PP2D1: variants seen among roughly 807,000 people sequenced by gnomAD.
The protein encoded by PP2D1 is protein phosphatase 2C-like domain-containing protein 1.
In PP2D1, 25 loss-of-function variants were observed where a neutral mutation model predicts 30.2. That is an observed-to-expected ratio of 0.83 (90% confidence interval 0.60 to 1.16). PP2D1 has a LOEUF of 1.16. Ranked by LOEUF, PP2D1 falls within the 50% of genes most tolerant of loss-of-function variation. The pLI is 0.00. For synonymous variants in PP2D1, 260 were observed against 258.9 expected, an observed-to-expected ratio of 1.00 and a Z score of -0.04; for missense variants, 760 against 742.4, an observed-to-expected ratio of 1.02 and a Z score of -0.28.
chr3:19,986,210 A>G, intron 2 of PP2D1, 28 bp from the exon 3 acceptor site: 10 of 1,411,552 alleles, frequency 7.1e-6, no homozygotes, highest in Non-Finnish European at 9.3e-6. Flanking sequence ...AAAAGAAGAA[A>G]TTTTTATCCT....
chr3:19,984,059 T>A, downstream of PP2D1: 1 of 461,126 alleles, frequency 2.2e-6, no homozygotes, highest in Non-Finnish European at 4.0e-6. Context: ...GACACTTGTT[T>A]CATTGGAAGG....
chr3:20,004,782 C>A (rs781394861), intron 1 of PP2D1, among the ~76,000 whole-genome samples: 1 of 151,670 alleles, frequency 6.6e-6, no homozygotes, highest in African/African-American at 2.4e-5. Context: ...AAAAAAAATA[C>A]TTTGGTTACA....
chr3:20,000,964 T>C (rs1227492804), intron 2 of PP2D1, 66 bp downstream of exon 2: 1 of 860,496 alleles, frequency 1.2e-6, no homozygotes, highest in African/African-American at 1.7e-5. Context: ...TGTGGAAGCA[T>C]GAGGGGTTTT....
chr3:20,002,783 C>T (rs527377507), intron 1 of PP2D1, among the ~76,000 whole-genome samples: 1 of 151,932 alleles, frequency 6.6e-6, no homozygotes, highest in East Asian at 1.9e-4. Context: ...AGTTCGGGCG[C>T]GGTGGCTCAC....
chr3:19,995,331 T>C (rs1426334137), intron 2 of PP2D1, among the ~76,000 whole-genome samples: 1 of 151,378 alleles, frequency 6.6e-6, no homozygotes, highest in African/African-American at 2.4e-5. Context: ...ATACACAGAG[T>C]AGAGACACAT....
chr3:19,985,313 C>T (rs1697011601), downstream of PP2D1: 2 of 1,115,632 alleles, frequency 1.8e-6, no homozygotes, highest in Non-Finnish European at 1.2e-6. Context: ...ATGAATCATC[C>T]TAATAGCTGG....
At chr3:19,999,313 C>T (rs9942096) in intron 2 of PP2D1, among the ~76,000 whole-genome samples, 32,655 of 151,858 alleles carry the variant, frequency 0.22, 3,872 homozygotes, top group South Asian at 0.32. Context: ...CTCCTGACCT[C>T]GTGATCCACC....
chr3:19,995,746 A>G (rs1697172796), intron 2 of PP2D1, among the ~76,000 whole-genome samples: 1 of 152,222 alleles, frequency 6.6e-6, no homozygotes. Flanking sequence ...TTAGAGACAT[A>G]TATGATTTTT....
intron 1 of PP2D1, among the ~76,000 whole-genome samples, chr3:20,010,885 A>G (rs1215792684): frequency 6.6e-6 from 1 of 152,190 alleles, no homozygotes; most frequent in Non-Finnish European, 1.5e-5. Context: ...GCTGAGATGC[A>G]CAGATGGATG....
rs563909000 is a variant in PP2D1, at chr3:19,986,162, A to G, written c.1111T>C (p.Cys371Arg). Residue 371 changes from cysteine to arginine, a missense_variant, in exon 3 of 3, where the codon TGC becomes CGC. Physicochemically the swap from Cys to Arg is radical, Grantham distance 180. Coordinates refer to ENST00000389050, the MANE Select transcript of PP2D1 (RefSeq NM_001252657.2). ...ANTGNVQAVL[C>R]RNGKGFCLTK... Reference sequence around the variant, plus strand: ...AGGCAAAAACCTTTCCCATTTCTGCATAAGACTGCTTGCACATTACCTAAA... The same window carrying G: ...AGGCAAAAACCTTTCCCATTTCTGCGTAAGACTGCTTGCACATTACCTAAA... The G allele has an allele frequency of 1.1e-5, 16 of 1,506,502 alleles. No individual in the cohort carries two copies. Among genetic ancestry groups the G allele is most frequent in the Middle Eastern group, 1.7e-4 (1 of 5,864 alleles). The allele number at this position is 1,506,502 out of a possible 1,614,324, so 93.3% of individuals were successfully genotyped here. A position where few individuals can be genotyped will look rare whatever the true frequency, so the allele number is the denominator to read the frequency against.
chr3:19,984,314 A>C, downstream of PP2D1: 1 of 415,226 alleles, frequency 2.4e-6, no homozygotes, highest in Non-Finnish European at 4.7e-6. Flanking sequence ...TAAAATGTAC[A>C]TTCCACATTT....
chr3:20,008,482 G>A (rs1416389632), intron 1 of PP2D1, among the ~76,000 whole-genome samples: 1 of 152,116 alleles, frequency 6.6e-6, no homozygotes, highest in Non-Finnish European at 1.5e-5. Flanking sequence ...CAGGAGAATC[G>A]TGTGAACCCG....
chr3:19,983,789 C>T (rs775305902), downstream of PP2D1: 6 of 1,610,946 alleles, frequency 3.7e-6, no homozygotes, highest in Non-Finnish European at 5.1e-6. Context: ...ACCGAACCCA[C>T]ACAACCAACC....
At chr3:19,983,164 C>A (rs1294327980), downstream of PP2D1, among the ~76,000 whole-genome samples, 1 of 151,816 alleles carries the variant, frequency 6.6e-6, no homozygotes, top group Non-Finnish European at 1.5e-5. Context: ...TGGTGAAACC[C>A]CGTCTCTACT....
rs1393584880 is a variant in PP2D1 at position 20,001,795 on chromosome 3, G to A, written c.325C>T (p.Gln109Ter). ...AGTTTAGAAATCATGAACTGTCTCT[G>A]AACAGCAATCACTGAGGGCTGTGGT... is the stretch of plus-strand genomic sequence containing the variant. ...KKPQPSVIAV[Q>*]RQFMISKLLS... Residue 109 changes from glutamine to a stop codon, truncating the protein, a stop_gained, in exon 2 of 3, where the codon CAG (glutamine) becomes TAG (stop). Coordinates refer to ENST00000389050, the MANE Select transcript of PP2D1 (RefSeq NM_001252657.2). LOFTEE classifies it high-confidence loss of function. The A allele has an allele frequency of 1.3e-6, 2 of 1,535,208 alleles. No individual in the cohort carries two copies. Among genetic ancestry groups the A allele is most frequent in the South Asian group, 1.2e-5 (1 of 83,958 alleles).
At position 20,001,418 on chromosome 3, in the gene PP2D1, A is replaced by C; in HGVS notation, c.702T>G (p.Phe234Leu). The change falls in exon 2 of 3, where the codon TTT (phenylalanine) becomes TTG (leucine). Residue 234 changes from phenylalanine to leucine, a missense_variant. Coordinates refer to ENST00000389050, the MANE Select transcript of PP2D1 (RefSeq NM_001252657.2). ...CAGTTGTCATTTGGTAAGAAGGATC[A>C]AATTTGGAAAGCTGATGGAGAAGTA... is the stretch of plus-strand genomic sequence containing the variant. ...PVLLLHQLSK[F>L]DPSYQMTTDE... 1 of 1,536,658 alleles carries C rather than the reference A, an allele frequency of 6.5e-7. No homozygotes were observed. The highest frequency in any genetic ancestry group is 2.4e-5 in the East Asian group (1 of 40,918).
At chr3:19,996,951 A>G (rs1224652300) in intron 2 of PP2D1, 2 of 151,892 alleles carry the variant, frequency 1.3e-5, no homozygotes, top group Non-Finnish European at 2.9e-5. Flanking sequence ...TACCAACAGA[A>G]TGAAGGAGAA....
chr3:19,985,354 C>A lies in PP2D1; in HGVS notation c.*26G>T. 6.9e-7 allele frequency: 1 copy of A among 1,447,860 alleles called. No homozygotes were observed. The highest frequency in any genetic ancestry group is 9.2e-7 in the Non-Finnish European group (1 of 1,081,670). The allele number at this position is 1,447,860 out of a possible 1,614,324, so 89.7% of individuals were successfully genotyped here. A position where few individuals can be genotyped will look rare whatever the true frequency, so the allele number is the denominator to read the frequency against. On this transcript the variant is annotated 3_prime_UTR_variant, in exon 3 of 3. Coordinates refer to ENST00000389050, the MANE Select transcript of PP2D1 (RefSeq NM_001252657.2). ...TGAAGAATCACTTTATATTTTGGTG[C>A]TCTGGATAATTGGAACTTTATTTTT...
chr3:20,004,747 G>A (rs1384883303), intron 1 of PP2D1, among the ~76,000 whole-genome samples: 1 of 151,636 alleles, frequency 6.6e-6, no homozygotes, highest in African/African-American at 2.4e-5. Context: ...TATTTTCAAG[G>A]GCCTATGAAA....
Sources: allele counts gnomAD v4.1 joint callset (sites outside exome capture counted in the v4.1 genomes callset), GRCh38; gene constraint gnomAD v4.1.1; transcripts MANE v1.5; gene names NCBI Gene and HGNC (gene_info 2026-07-23, HGNC 2026-07-21).